LINGO1: variants seen among roughly 807,000 people sequenced by gnomAD.
The protein encoded by LINGO1 is leucine rich repeat and Ig domain containing 1.
A neutral mutation model predicts 37.3 loss-of-function variants in LINGO1; 11 were observed. The ratio of observed to expected loss-of-function variants is 0.29; its 90% CI spans 0.19 to 0.49. LINGO1 has a LOEUF of 0.49. Ranked by LOEUF, LINGO1 falls within the 20% of genes least tolerant of loss-of-function variation. The pLI is 0.99. For synonymous variants in LINGO1, 387 were observed against 403.0 expected (o/e 0.96, Z 0.48); for missense variants, 585 against 878.2 (o/e 0.67, Z 4.22).
chr15:77,664,441 C>T (rs2075084465), intron 3 of LINGO1, among the ~76,000 whole-genome samples: 1 of 151,950 alleles, frequency 6.6e-6, no homozygotes, highest in African/African-American at 2.4e-5. Context: ...CAAGCCCTGA[C>T]CCCATCCTCT....
At chr15:77,647,024 G>C (rs2074647478) in intron 3 of LINGO1, among the ~76,000 whole-genome samples, 1 of 149,646 alleles carries the variant, frequency 6.7e-6, no homozygotes, top group South Asian at 2.2e-4. Context: ...GTGAGCAGTG[G>C]AACTGGGACG....
At chr15:77,664,198 G>T (rs2075077556) in intron 3 of LINGO1, among the ~76,000 whole-genome samples, 1 of 141,268 alleles carries the variant, frequency 7.1e-6, no homozygotes. Context: ...TGCATTCTCA[G>T]CCCTGGCAGG....
In LINGO1 at chr15:77,623,413, T is replaced by G. The variant is rs956518216; in HGVS notation, c.7-7513A>C. On this transcript the variant is annotated intron_variant, in intron 1 of 1. Transcript: ENST00000355300. The stretch of plus-strand genomic sequence containing the variant: ...TTTTAAAGATGCTCCATTCTGGCTT[T>G]CCAGGGCTAATCCCCGCTGAGGTGT... 2.0e-5 allele frequency among the ~76,000 whole-genome samples: 3 copies of G among 152,328 alleles called. No individual in the cohort carries two copies. The East Asian group carries it at 5.8e-4, about 29-fold the overall frequency.
At chr15:77,773,823 C>T (rs2076609831) in intron 1 of LINGO1, among the ~76,000 whole-genome samples, 1 of 151,846 alleles carries the variant, frequency 6.6e-6, no homozygotes, top group Non-Finnish European at 1.5e-5. Context: ...TCCCAAGGAG[C>T]AGTGGCCTTC....
intron 3 of LINGO1, among the ~76,000 whole-genome samples, chr15:77,666,590 A>G (rs538693955): frequency 6.6e-6 from 1 of 152,334 alleles, no homozygotes; most frequent in Non-Finnish European, 1.5e-5. Context: ...GCTCAGTAGA[A>G]GAGCTTGGGA....
At chr15:77,719,326 G>A (rs1184882418) in intron 2 of LINGO1, among the ~76,000 whole-genome samples, 1 of 149,992 alleles carries the variant, frequency 6.7e-6, no homozygotes, top group South Asian at 2.2e-4. Flanking sequence ...CTTCTACTCG[G>A]GGCTTCTGGG....
At chr15:77,630,442 T>A (rs1056314332) in intron 1 of LINGO1, among the ~76,000 whole-genome samples, 2 of 152,126 alleles carry the variant, frequency 1.3e-5, no homozygotes, top group African/African-American at 4.8e-5. Flanking sequence ...TTTGGGGGGT[T>A]GGGGTGGGGG....
At chr15:77,786,045 A>G (rs897784452) in intron 1 of LINGO1, among the ~76,000 whole-genome samples, 5 of 152,178 alleles carry the variant, frequency 3.3e-5, no homozygotes, top group Non-Finnish European at 1.5e-5. Flanking sequence ...TCCATTGTGC[A>G]TATGGGAGAA....
In LINGO1 at chr15:77,614,557, G is replaced by T. The variant is rs758177264; in HGVS notation, c.1350C>A (p.Gly450=). ...GCCAGAGGATGGCGGGCGGCGGGTC[G>T]CCATCGGCCCGGCACACAAACTGCA... The part of the protein sequence containing the change: ...HTVQFVCRAD[G]DPPPAILWLS... The change falls in exon 2 of 2, where the codon GGC becomes GGA. Residue 450 remains glycine, a synonymous_variant. Coordinates refer to ENST00000355300, the MANE Select transcript of LINGO1 (RefSeq NM_032808.7). 1.9e-6 allele frequency: 3 copies of T among 1,609,912 alleles called. No individual in the cohort carries two copies. The highest frequency in any genetic ancestry group is 3.3e-5 in the Admixed American group (2 of 59,800).
chr15:77,618,839 C>T lies in LINGO1; in HGVS notation c.7-2939G>A. On this transcript the variant is annotated intron_variant, in intron 1 of 1. Transcript: ENST00000355300. ...CTCGATCTCCTGACCTCGTGATCCG[C>T]CCGCCTCGGCCTCCCAAAGTGCTGG... is the stretch of plus-strand genomic sequence containing the variant. 4.7e-5 allele frequency among the ~76,000 whole-genome samples: 6 copies of T among 128,360 alleles called. 3 individuals carry two copies. Among genetic ancestry groups the T allele is most frequent in the Non-Finnish European group, 6.6e-5 (4 of 61,060 alleles). The allele number at this position is 128,360 out of a possible 152,430, so 84.2% of individuals were successfully genotyped here.
intron 1 of LINGO1, among the ~76,000 whole-genome samples, chr15:77,776,556 G>GGCAGGAATGCAGGAAGGCAGGAAAGCA (rs1307931922): frequency 6.6e-6 from 1 of 150,660 alleles, no homozygotes; most frequent in East Asian, 1.9e-4. Context: ...GAGGGAGGGA[G>GGCAGGAATGCAGGAAGGCAGGAAAGCA]GGAGCTGACT....
chr15:77,719,674 TA>T (rs769848342), intron 2 of LINGO1, among the ~76,000 whole-genome samples: 3 of 150,030 alleles, frequency 2.0e-5, no homozygotes, highest in Non-Finnish European at 4.4e-5. Flanking sequence ...ACTCTGTGGC[TA>T]GAACACATAC....
At position 77,715,771 on chromosome 15, in the gene LINGO1, T is replaced by A. The variant is rs142788134; in HGVS notation, c.-195+19221A>T. ...GTATTCTCCAAATATCCTTTCTGCC[T>A]GTCCCCAACAGGTGCCCAGGGCCAC... On this transcript the variant is annotated intron_variant, in intron 2 of 3. Transcript: ENST00000561686. Among the ~76,000 whole-genome samples, 83 of 152,334 alleles carry A rather than the reference T, an allele frequency of 5.4e-4. No individual in the cohort carries two copies. In the East Asian group the frequency reaches 0.015, roughly 27 times the overall value.
At chr15:77,630,240 C>T (rs576028495) in intron 1 of LINGO1, among the ~76,000 whole-genome samples, 50 of 152,218 alleles carry the variant, frequency 3.3e-4, no homozygotes, top group East Asian at 1.5e-3. Flanking sequence ...CTCATGCCTC[C>T]GTGGGACCCT....
At chr15:77,688,293 T>G (rs750543181) in intron 2 of LINGO1, among the ~76,000 whole-genome samples, 1 of 152,394 alleles carries the variant, frequency 6.6e-6, no homozygotes. Context: ...CAAGTTGGTC[T>G]GCTGGCAAGA....
At chr15:77,741,464 T>C (rs1187385716) in intron 1 of LINGO1, among the ~76,000 whole-genome samples, 4 of 152,090 alleles carry the variant, frequency 2.6e-5, no homozygotes, top group Non-Finnish European at 5.9e-5. Context: ...AGGCCAGGGC[T>C]CTTGCCCCAG....
intron 2 of LINGO1, among the ~76,000 whole-genome samples, chr15:77,713,639 A>G (rs1369217046): frequency 6.6e-6 from 1 of 152,072 alleles, no homozygotes; most frequent in African/African-American, 2.4e-5. Context: ...GCGCACACAC[A>G]CACGAGTGTA....
At chr15:77,654,712 G>A (rs7174793) in intron 3 of LINGO1, among the ~76,000 whole-genome samples, 3,424 of 152,136 alleles carry the variant, frequency 0.023, 124 homozygotes, top group African/African-American at 0.078. Flanking sequence ...TCTAACCCTG[G>A]CTCTGCTGCC....
intron 1 of LINGO1, among the ~76,000 whole-genome samples, chr15:77,694,804 T>A (rs2075661898): frequency 6.6e-6 from 1 of 152,210 alleles, no homozygotes; most frequent in South Asian, 2.1e-4. Flanking sequence ...CTACAGCTGC[T>A]GTGGGCCAGG....
Sources: allele counts gnomAD v4.1 joint callset (sites outside exome capture counted in the v4.1 genomes callset), GRCh38; gene constraint gnomAD v4.1.1; transcripts MANE v1.5; gene names NCBI Gene and HGNC (gene_info 2026-07-23, HGNC 2026-07-21).